Variants in TMEM117 observed in about 807,000 individuals in gnomAD.
The protein encoded by TMEM117 is transmembrane protein 117.
In TMEM117, 27 loss-of-function variants were observed where a neutral mutation model predicts 52.4. The observed-to-expected ratio is 0.51, with a 90% CI of 0.38 to 0.71. TMEM117 has a LOEUF of 0.71. Ranked by LOEUF, TMEM117 falls within the 30% of genes least tolerant of loss-of-function variation. The probability of loss-of-function intolerance (pLI) is 0.00; values close to 1 mark genes in which losing one functional copy is unlikely to be tolerated. For missense variants in TMEM117, 556 were observed against 630.5 expected, an observed-to-expected ratio of 0.88 and a Z score of 1.26; for synonymous variants, 215 against 206.3, an observed-to-expected ratio of 1.04 and a Z score of -0.36.
intron 3 of TMEM117, among the ~76,000 whole-genome samples, chr12:43,949,253 G>A (rs1945182390): frequency 6.6e-6 from 1 of 152,202 alleles, no homozygotes; most frequent in Non-Finnish European, 1.5e-5. Context: ...ACACTTGGAA[G>A]AGGGCCAAGC....
chr12:44,270,958 CAA>C (rs1425747697), intron 5 of TMEM117, among the ~76,000 whole-genome samples: 1 of 151,926 alleles, frequency 6.6e-6, no homozygotes, highest in Non-Finnish European at 1.5e-5. Flanking sequence ...TCACATTAAA[CAA>C]TACATTAAAA....
chr12:44,019,181 A>T (rs1289205184), intron 3 of TMEM117, among the ~76,000 whole-genome samples: 1 of 151,844 alleles, frequency 6.6e-6, no homozygotes, highest in Non-Finnish European at 1.5e-5. Flanking sequence ...GTGGGGCTTT[A>T]TGATGAATGG....
At chr12:44,006,698 A>G (rs1946202313) in intron 3 of TMEM117, among the ~76,000 whole-genome samples, 1 of 152,172 alleles carries the variant, frequency 6.6e-6, no homozygotes, top group South Asian at 2.1e-4. Context: ...AACCAGATAC[A>G]TACATATAGA....
In TMEM117 at chr12:44,052,819, C is replaced by T. The variant is rs11182403; in HGVS notation, c.411-90706C>T. 1.5e-3 allele frequency among the ~76,000 whole-genome samples: 227 copies of T among 152,254 alleles called. 3 individuals are homozygous for T. In the East Asian group the frequency reaches 0.025, roughly 17 times the overall value. On this transcript the variant is annotated intron_variant, in intron 3 of 7. Coordinates refer to ENST00000266534, the MANE Select transcript of TMEM117 (RefSeq NM_032256.3). ...GAGCAGGTTGCCAGACAGTCTCTTC[C>T]GCTTTAGATTTCTCAGGTGTAGGCT...
intron 3 of TMEM117, among the ~76,000 whole-genome samples, chr12:44,101,422 A>T (rs767518361): frequency 1.3e-5 from 2 of 151,768 alleles, no homozygotes; most frequent in African/African-American, 4.8e-5. Context: ...TCCTCTGTCC[A>T]TTAACGTTCC....
chr12:43,802,578 T>A, the TMEM117 span: 1 of 797,164 alleles, frequency 1.3e-6, no homozygotes. Flanking sequence ...ATTATTCACA[T>A]CAAAAAGTTG....
chr12:44,123,108 T>C (rs1423939573), intron 3 of TMEM117, among the ~76,000 whole-genome samples: 1 of 152,222 alleles, frequency 6.6e-6, no homozygotes, highest in African/African-American at 2.4e-5. Flanking sequence ...CCATTCTAAC[T>C]GGCATGAGAT....
At chr12:44,197,250 A>C (rs1324794151) in intron 4 of TMEM117, among the ~76,000 whole-genome samples, 3 of 152,100 alleles carry the variant, frequency 2.0e-5, no homozygotes, top group African/African-American at 7.2e-5. Flanking sequence ...ATTTTTTATG[A>C]TCACATTTCT....
intron 7 of TMEM117, among the ~76,000 whole-genome samples, chr12:44,380,122 C>T (rs1422805836): frequency 6.6e-6 from 1 of 152,154 alleles, no homozygotes; most frequent in African/African-American, 2.4e-5. Flanking sequence ...TTCCTCTTAT[C>T]TCAGCTTTAA....
chr12:44,023,799 T>A, intron 3 of TMEM117, among the ~76,000 whole-genome samples: 2 of 118,930 alleles, frequency 1.7e-5, no homozygotes, highest in Non-Finnish European at 3.3e-5. Flanking sequence ...AACATCACAC[T>A]CCGGGGACTG....
chr12:44,155,040 T>G (rs963255874), intron 4 of TMEM117, among the ~76,000 whole-genome samples: 1 of 152,078 alleles, frequency 6.6e-6, no homozygotes, highest in African/African-American at 2.4e-5. Context: ...GCTACTATTT[T>G]TGTCCAAATA....
At chr12:43,846,848 C>T (rs1286940360) in intron 2 of TMEM117, among the ~76,000 whole-genome samples, 3 of 151,638 alleles carry the variant, frequency 2.0e-5, no homozygotes, top group Admixed American at 6.6e-5. Flanking sequence ...AATAACTATC[C>T]GTACACACAC....
chr12:43,891,441 C>G (rs2137478734), intron 2 of TMEM117, among the ~76,000 whole-genome samples: 1 of 122,924 alleles, frequency 8.1e-6, no homozygotes, highest in South Asian at 2.8e-4. Flanking sequence ...GGCGTGATCT[C>G]AGCTCACTGC....
chr12:43,999,863 C>G (rs1221054033), intron 3 of TMEM117, among the ~76,000 whole-genome samples: 1 of 152,146 alleles, frequency 6.6e-6, no homozygotes, highest in African/African-American at 2.4e-5. Context: ...TAAAGCTTGG[C>G]TCACCACCAA....
At chr12:43,886,077 G>A (rs931321823) in intron 2 of TMEM117, among the ~76,000 whole-genome samples, 6 of 152,092 alleles carry the variant, frequency 3.9e-5, no homozygotes, top group Non-Finnish European at 8.8e-5. Context: ...GCTATAGAGA[G>A]GCATTAAAAG....
At chr12:43,916,322 G>A (rs989785214) in intron 2 of TMEM117, among the ~76,000 whole-genome samples, 7 of 152,144 alleles carry the variant, frequency 4.6e-5, no homozygotes, top group Admixed American at 1.3e-4. Context: ...TTTAGAAAAT[G>A]TAGCAAAGTT....
chr12:44,090,396 CTTTTTATT>C (rs1460262184), intron 3 of TMEM117, among the ~76,000 whole-genome samples: 8 of 143,920 alleles, frequency 5.6e-5, no homozygotes, highest in African/African-American at 2.1e-4. Context: ...TTTTATCTTA[CTTTTTATT>C]TATTTATTTA....
At chr12:44,034,181 G>C (rs1946676418) in intron 3 of TMEM117, among the ~76,000 whole-genome samples, 1 of 152,162 alleles carries the variant, frequency 6.6e-6, no homozygotes, top group Non-Finnish European at 1.5e-5. Flanking sequence ...CACTGTGATA[G>C]ATTTTACATC....
intron 6 of TMEM117, among the ~76,000 whole-genome samples, chr12:44,342,023 C>T (rs1432309431): frequency 1.3e-5 from 2 of 151,918 alleles, no homozygotes; most frequent in African/African-American, 4.8e-5. Flanking sequence ...CATATTCTTA[C>T]TTGTACTTCA....
Sources: gnomAD v4.1 joint callset for allele counts (sites outside exome capture counted in the v4.1 genomes callset) on GRCh38, gnomAD v4.1.1 for gene constraint, MANE v1.5 for transcripts, NCBI Gene and HGNC (gene_info 2026-07-23, HGNC 2026-07-21) for gene names.